EPHA6: variants seen among roughly 807,000 people sequenced by gnomAD.
EPHA6 encodes the protein EPH receptor A6, also known as ephrin type-A receptor 6.
EPHA6 carries 50 observed loss-of-function variants against 112.0 expected under a neutral mutation model. The observed-to-expected ratio is 0.45, with a 90% confidence interval of 0.36 to 0.56. The LOEUF is 0.56. Among genes scored for constraint, EPHA6 ranks in the 20% least tolerant of loss-of-function variants. The probability of loss-of-function intolerance (pLI) is 0.00; values close to 1 mark genes in which losing one functional copy is unlikely to be tolerated. For missense variants in EPHA6, 1,280 were observed against 1,417.4 expected, an observed-to-expected ratio of 0.90 and a Z score of 1.56; for synonymous variants, 529 against 490.7, an observed-to-expected ratio of 1.08 and a Z score of -1.03.
At chr3:97,314,184 C>T (rs529680081) in intron 5 of EPHA6, among the ~76,000 whole-genome samples, 37 of 151,490 alleles carry the variant, frequency 2.4e-4, no homozygotes, top group African/African-American at 5.6e-4. Context: ...ATTAATTGAC[C>T]GTAAACATGG....
chr3:97,089,903 CAGGG>C (rs958136194), intron 3 of EPHA6, among the ~76,000 whole-genome samples: 1 of 151,970 alleles, frequency 6.6e-6, no homozygotes, highest in African/African-American at 2.4e-5. Flanking sequence ...TGAAAACAAA[CAGGG>C]AGATTATTTT....
intron 3 of EPHA6, among the ~76,000 whole-genome samples, chr3:97,159,189 A>G (rs1672920456): frequency 1.3e-5 from 2 of 152,120 alleles, no homozygotes; most frequent in South Asian, 4.1e-4. Context: ...AATCTCCTGT[A>G]TTCTAGATAT....
chr3:97,070,639 C>T (rs150820276), intron 3 of EPHA6, among the ~76,000 whole-genome samples: 44 of 152,268 alleles, frequency 2.9e-4, no homozygotes, highest in East Asian at 1.5e-3. Flanking sequence ...AACTTGTACA[C>T]ATTCATGGCA....
chr3:97,473,806 C>T (rs2091295810), intron 7 of EPHA6, among the ~76,000 whole-genome samples: 1 of 151,698 alleles, frequency 6.6e-6, no homozygotes, highest in Non-Finnish European at 1.5e-5. Context: ...AATAAAAAAC[C>T]TTCAGTACAT....
intron 3 of EPHA6, among the ~76,000 whole-genome samples, chr3:97,171,706 T>C (rs753190693): frequency 5.3e-5 from 8 of 151,684 alleles, no homozygotes; most frequent in Non-Finnish European, 8.8e-5. Flanking sequence ...AGGAAGAAAA[T>C]GATTAGTTCA....
chr3:97,503,293 A>C (rs188385957), intron 10 of EPHA6, among the ~76,000 whole-genome samples: 1 of 152,318 alleles, frequency 6.6e-6, no homozygotes, highest in African/African-American at 2.4e-5. Context: ...GTTTTACGGA[A>C]CACATAGTTC....
intron 3 of EPHA6, among the ~76,000 whole-genome samples, chr3:97,155,026 G>A (rs1475358614): frequency 6.6e-6 from 1 of 151,908 alleles, no homozygotes; most frequent in African/African-American, 2.4e-5. Flanking sequence ...CATTTTCTAG[G>A]GAATTCCAAC....
At chr3:97,358,985 T>C (rs1311057835) in intron 5 of EPHA6, among the ~76,000 whole-genome samples, 1 of 151,998 alleles carries the variant, frequency 6.6e-6, no homozygotes, top group East Asian at 1.9e-4. Context: ...AGATTTTCTC[T>C]TTCTTTTGAA....
intron 5 of EPHA6, among the ~76,000 whole-genome samples, chr3:97,372,130 C>A (rs767018817): frequency 3.3e-5 from 5 of 152,070 alleles, no homozygotes; most frequent in Non-Finnish European, 5.9e-5. Flanking sequence ...TTCGTACACT[C>A]CCTCCCCTTT....
intron 2 of EPHA6, among the ~76,000 whole-genome samples, chr3:96,931,575 C>A (rs1200291683): frequency 6.6e-6 from 1 of 152,242 alleles, no homozygotes; most frequent in South Asian, 2.1e-4. Flanking sequence ...TGTAGCAAAG[C>A]AGCTATGCTG....
At chr3:97,181,358 T>C (rs1482849688) in intron 3 of EPHA6, among the ~76,000 whole-genome samples, 2 of 152,084 alleles carry the variant, frequency 1.3e-5, no homozygotes, top group Admixed American at 1.3e-4. Flanking sequence ...TTGGTTCTTA[T>C]GAAGGTGTTT....
At chr3:97,257,401 G>GA (rs2079351440) in intron 5 of EPHA6, among the ~76,000 whole-genome samples, 2 of 151,826 alleles carry the variant, frequency 1.3e-5, no homozygotes, top group Non-Finnish European at 2.9e-5. Context: ...TCAATTCTGA[G>GA]AAAAAAGGCA....
chr3:97,331,055 C>G (rs2082774079), intron 5 of EPHA6, among the ~76,000 whole-genome samples: 1 of 152,114 alleles, frequency 6.6e-6, no homozygotes, highest in Admixed American at 6.6e-5. Context: ...TCTCTCAGAC[C>G]ACAGTGCAAT....
intron 5 of EPHA6, among the ~76,000 whole-genome samples, chr3:97,259,990 AG>A (rs1224180567): frequency 6.6e-6 from 1 of 152,072 alleles, no homozygotes; most frequent in Non-Finnish European, 1.5e-5. Context: ...CAGTAGAGAC[AG>A]GGTTTCACCA....
chr3:97,091,038 A>G (rs2047049925), intron 3 of EPHA6, among the ~76,000 whole-genome samples: 3 of 151,960 alleles, frequency 2.0e-5, no homozygotes, highest in Admixed American at 6.6e-5. Flanking sequence ...CAAAAATTCT[A>G]TGTGTATTAA....
intron 5 of EPHA6, among the ~76,000 whole-genome samples, chr3:97,279,383 A>G (rs1455680118): frequency 1.3e-5 from 2 of 152,144 alleles, no homozygotes; most frequent in African/African-American, 4.8e-5. Context: ...TATAAGAAGA[A>G]AATATCTCTA....
At chr3:97,670,987 A>G (rs1457308572) in intron 14 of EPHA6, among the ~76,000 whole-genome samples, 1 of 152,156 alleles carries the variant, frequency 6.6e-6, no homozygotes, top group Non-Finnish European at 1.5e-5. Flanking sequence ...TTAAAATATC[A>G]TAGAGGATCT....
intron 3 of EPHA6, among the ~76,000 whole-genome samples, chr3:97,082,158 T>A (rs2046742270): frequency 6.6e-6 from 1 of 151,898 alleles, no homozygotes; most frequent in Admixed American, 6.6e-5. Context: ...TCACCTCACA[T>A]TTATCATTTT....
intron 2 of EPHA6, among the ~76,000 whole-genome samples, chr3:96,979,156 C>T (rs1054697828): frequency 6.6e-6 from 1 of 151,448 alleles, no homozygotes; most frequent in East Asian, 1.9e-4. Context: ...TGTGCTGCAC[C>T]CATTAACTCA....
Sources: gnomAD v4.1 joint callset for allele counts (sites outside exome capture counted in the v4.1 genomes callset) on GRCh38, gnomAD v4.1.1 for gene constraint, MANE v1.5 for transcripts, NCBI Gene and HGNC (gene_info 2026-07-23, HGNC 2026-07-21) for gene names.